SGCZ: variants seen among roughly 807,000 people sequenced by gnomAD.
The protein encoded by SGCZ is zeta-sarcoglycan.
Under a neutral mutation model 41.3 loss-of-function variants are expected in SGCZ, and 40 were observed. The observed-to-expected ratio is 0.97, with a 90% CI of 0.75 to 1.26. SGCZ has a LOEUF of 1.26. SGCZ is among the 50% of genes most tolerant of loss of function. The pLI, the probability that SGCZ is intolerant of heterozygous loss-of-function variation, is 0.00. For synonymous variants in SGCZ, 206 were observed against 137.5 expected (o/e 1.50, Z -3.49); for missense variants, 552 against 369.8 (o/e 1.49, Z -4.04).
chr8:14,882,804 C>T (rs538620098), intron 1 of SGCZ, among the ~76,000 whole-genome samples: 2 of 152,040 alleles, frequency 1.3e-5, no homozygotes, highest in South Asian at 4.2e-4. Flanking sequence ...CTTTTCGCAC[C>T]TGCACTAGAC....
chr8:14,856,705 G>T (rs1803556175), intron 1 of SGCZ, among the ~76,000 whole-genome samples: 1 of 152,150 alleles, frequency 6.6e-6, no homozygotes, highest in Non-Finnish European at 1.5e-5. Context: ...TGGGCAGGGG[G>T]CTTAGGCAGC....
At chr8:14,746,675 T>C (rs1280607046) in intron 1 of SGCZ, among the ~76,000 whole-genome samples, 1 of 152,274 alleles carries the variant, frequency 6.6e-6, no homozygotes, top group East Asian at 1.9e-4. Context: ...AAATCTAACC[T>C]CAATTATCAC....
intron 1 of SGCZ, among the ~76,000 whole-genome samples, chr8:14,628,383 T>A (rs1445429969): frequency 1.3e-5 from 2 of 152,106 alleles, no homozygotes; most frequent in Non-Finnish European, 2.9e-5. Context: ...TGTGTTCTCC[T>A]GTTTCACCTA....
At chr8:14,384,355 T>G (rs1190778976) in intron 2 of SGCZ, among the ~76,000 whole-genome samples, 1 of 152,126 alleles carries the variant, frequency 6.6e-6, no homozygotes, top group Non-Finnish European at 1.5e-5. Context: ...TAGCAAAGAT[T>G]TGGAACCAAC....
intron 1 of SGCZ, among the ~76,000 whole-genome samples, chr8:15,166,959 C>T (rs1799683504): frequency 1.3e-5 from 2 of 152,062 alleles, no homozygotes; most frequent in Non-Finnish European, 2.9e-5. Context: ...GGACTGAACT[C>T]AGGAAGCTGA....
chr8:14,625,598 TTTTG>T (rs1366114041), intron 1 of SGCZ, among the ~76,000 whole-genome samples: 2 of 152,092 alleles, frequency 1.3e-5, no homozygotes, highest in African/African-American at 4.8e-5. Context: ...GTTGTTTTTG[TTTTG>T]TTTATTTTGT....
chr8:14,134,754 C>T (rs1354126398), intron 5 of SGCZ, among the ~76,000 whole-genome samples: 2 of 152,108 alleles, frequency 1.3e-5, no homozygotes, highest in Non-Finnish European at 2.9e-5. Flanking sequence ...GTCCTGATTT[C>T]ACATTTCTGT....
intron 3 of SGCZ, among the ~76,000 whole-genome samples, chr8:14,270,342 T>A (rs571652112): frequency 2.0e-5 from 3 of 151,794 alleles, no homozygotes; most frequent in African/African-American, 7.2e-5. Context: ...AAAAAAAAAA[T>A]TAATTAAAAA....
chr8:14,780,609 G>T (rs984320730), intron 1 of SGCZ, among the ~76,000 whole-genome samples: 11 of 152,168 alleles, frequency 7.2e-5, no homozygotes, highest in African/African-American at 2.6e-4. Flanking sequence ...GTAGAATAAA[G>T]TGTATGGGAT....
At chr8:14,248,127 T>A (rs182691684) in intron 3 of SGCZ, among the ~76,000 whole-genome samples, 26 of 152,286 alleles carry the variant, frequency 1.7e-4, no homozygotes, top group African/African-American at 5.3e-4. Context: ...TTTTCTAGAA[T>A]TCTAGAATGG....
At chr8:15,103,856 C>T (rs1563127581) in intron 1 of SGCZ, among the ~76,000 whole-genome samples, 1 of 152,072 alleles carries the variant, frequency 6.6e-6, no homozygotes, top group South Asian at 2.1e-4. Context: ...TCTAATTGGG[C>T]ATGCAAAGCA....
At chr8:14,421,178 G>A (rs965272839) in intron 2 of SGCZ, among the ~76,000 whole-genome samples, 1 of 151,976 alleles carries the variant, frequency 6.6e-6, no homozygotes, top group Admixed American at 6.6e-5. Flanking sequence ...TAACATTCTT[G>A]TACATGGAAT....
At chr8:14,635,448 G>C (rs1397138674) in intron 1 of SGCZ, among the ~76,000 whole-genome samples, 1 of 151,920 alleles carries the variant, frequency 6.6e-6, no homozygotes, top group African/African-American at 2.4e-5. Flanking sequence ...ATAAAGCCAA[G>C]TGTTATGTGA....
intron 1 of SGCZ, among the ~76,000 whole-genome samples, chr8:14,882,762 A>T (rs1302052342): frequency 2.6e-5 from 4 of 151,762 alleles, no homozygotes; most frequent in Admixed American, 1.3e-4. Flanking sequence ...CTATTTTTCT[A>T]TCTCCAGGTC....
chr8:14,588,900 G>T (rs1256097077), intron 1 of SGCZ, among the ~76,000 whole-genome samples: 1 of 152,040 alleles, frequency 6.6e-6, no homozygotes, highest in Non-Finnish European at 1.5e-5. Flanking sequence ...AATTATAATC[G>T]ATACTACCTC....
intron 2 of SGCZ, among the ~76,000 whole-genome samples, chr8:14,499,121 A>T (rs1430668110): frequency 6.6e-6 from 1 of 151,864 alleles, no homozygotes; most frequent in African/African-American, 2.4e-5. Flanking sequence ...TTATTTGCTT[A>T]TATTGCTTGA....
At chr8:14,738,485 G>A (rs1008204361) in intron 1 of SGCZ, among the ~76,000 whole-genome samples, 4 of 151,996 alleles carry the variant, frequency 2.6e-5, no homozygotes, top group Admixed American at 2.6e-4. Context: ...AGTGAAACTT[G>A]GACTAATTAA....
intron 1 of SGCZ, among the ~76,000 whole-genome samples, chr8:14,958,671 G>C (rs749933063): frequency 2.6e-5 from 4 of 151,986 alleles, no homozygotes. Context: ...CACAAACTCA[G>C]AAAATTTACA....
chr8:14,324,297 G>C (rs186520679), intron 2 of SGCZ, 93 bp from the exon 3 acceptor site: 1 of 840,190 alleles, frequency 1.2e-6, no homozygotes, highest in Non-Finnish European at 2.0e-6. Context: ...AAAACAGTGA[G>C]CTCAAATCAG....
Sources: gnomAD v4.1 joint callset for allele counts (sites outside exome capture counted in the v4.1 genomes callset) on GRCh38, gnomAD v4.1.1 for gene constraint, MANE v1.5 for transcripts, NCBI Gene and HGNC (gene_info 2026-07-23, HGNC 2026-07-21) for gene names.